Variants in SPATS2 observed in about 807,000 individuals in gnomAD.
SPATS2 encodes the protein spermatogenesis associated serine rich 2.
In SPATS2, 38 loss-of-function variants were observed where a neutral mutation model predicts 63.7. The observed-to-expected ratio is 0.60, with a 90% CI of 0.46 to 0.78. The LOEUF (loss-of-function observed/expected upper bound fraction) is 0.78. Among genes scored for constraint, SPATS2 ranks in the 30% least tolerant of loss-of-function variants. The pLI is 0.00. For synonymous variants in SPATS2, 207 were observed against 232.9 expected, an observed-to-expected ratio of 0.89 and a Z score of 1.01; for missense variants, 588 against 666.2, an observed-to-expected ratio of 0.88 and a Z score of 1.29.
intron 2 of SPATS2, among the ~76,000 whole-genome samples, chr12:49,387,766 G>A (rs1311636375): frequency 6.6e-6 from 1 of 151,970 alleles, no homozygotes; most frequent in Admixed American, 6.6e-5. Context: ...TGGAGAGCAG[G>A]CAGGCACTGG....
At chr12:49,414,982 C>T (rs1336489094) in intron 2 of SPATS2, among the ~76,000 whole-genome samples, 2 of 148,554 alleles carry the variant, frequency 1.3e-5, no homozygotes, top group African/African-American at 5.0e-5. Context: ...TCATGTTGCC[C>T]AGGCTGGAGT....
chr12:49,380,321 A>G (rs940928919), intron 2 of SPATS2, among the ~76,000 whole-genome samples: 20 of 151,926 alleles, frequency 1.3e-4, no homozygotes, highest in Non-Finnish European at 2.2e-4. Context: ...ACCATGCCTG[A>G]CCGAGAACCT....
intron 8 of SPATS2, among the ~76,000 whole-genome samples, chr12:49,498,143 A>ATATATATATATATATATATAT (rs1307387821): frequency 2.1e-5 from 2 of 95,054 alleles, no homozygotes; most frequent in Admixed American, 9.5e-5. Context: ...AAAAAAAAAA[A>ATATATATATATATATATATAT]AAATATATAT....
intron 2 of SPATS2, among the ~76,000 whole-genome samples, chr12:49,397,094 C>A (rs1030219947): frequency 1.3e-5 from 2 of 152,302 alleles, no homozygotes; most frequent in Admixed American, 6.5e-5. Flanking sequence ...TTTGTACTTG[C>A]TATTCCCTCT....
chr12:49,475,103 C>T (rs1231055742), intron 3 of SPATS2, among the ~76,000 whole-genome samples: 1 of 152,182 alleles, frequency 6.6e-6, no homozygotes, highest in Non-Finnish European at 1.5e-5. Flanking sequence ...TACAAGATGA[C>T]ATTTGGGTGG....
At chr12:49,400,522 C>A (rs149037979) in intron 2 of SPATS2, among the ~76,000 whole-genome samples, 2 of 152,218 alleles carry the variant, frequency 1.3e-5, no homozygotes, top group Non-Finnish European at 2.9e-5. Flanking sequence ...AGGGGAATGA[C>A]TAGGCAATAG....
intron 2 of SPATS2, among the ~76,000 whole-genome samples, chr12:49,436,285 C>T (rs2137515815): frequency 6.8e-6 from 1 of 146,872 alleles, no homozygotes; most frequent in Middle Eastern, 3.8e-3. Flanking sequence ...ACCTCCCCAC[C>T]TCCCTCCCGG....
chr12:49,426,069 G>T (rs1482389915), intron 2 of SPATS2, among the ~76,000 whole-genome samples: 1 of 152,202 alleles, frequency 6.6e-6, no homozygotes, highest in Non-Finnish European at 1.5e-5. Context: ...GTGTACGCCA[G>T]TGTTGCCTTT....
At chr12:49,409,483 T>C (rs1944757247) in intron 2 of SPATS2, among the ~76,000 whole-genome samples, 3 of 151,330 alleles carry the variant, frequency 2.0e-5, no homozygotes, top group Admixed American at 2.0e-4. Flanking sequence ...TTTTTTGTAT[T>C]TTTAGTAGAG....
chr12:49,514,507 A>AT, intron 9 of SPATS2, 48 bp from the exon 10 acceptor site: 2 of 1,567,462 alleles, frequency 1.3e-6, no homozygotes, highest in Non-Finnish European at 1.7e-6. Flanking sequence ...CTAATTTTGT[A>AT]TTTGAGTTTC....
chr12:49,502,541 C>G (rs978532634), intron 9 of SPATS2, among the ~76,000 whole-genome samples: 34 of 152,176 alleles, frequency 2.2e-4, no homozygotes, highest in African/African-American at 7.7e-4. Context: ...ACCTCCACCT[C>G]CTGGGCTCAA....
chr12:49,381,314 A>G lies in SPATS2; in HGVS notation c.-244+10024A>G, dbSNP rs375900917. On this transcript the variant is annotated intron_variant, in intron 2 of 13. Transcript: ENST00000552918. ...CATGAGTACATGTAGCATGCACTCA[A>G]TAACTATTAGCTAATACTATAGTTG... Among the ~76,000 whole-genome samples the G allele has an allele frequency of 8.7e-4, 133 of 152,318 alleles. 6 individuals are homozygous for G. The South Asian group carries it at 0.027, about 31-fold the overall frequency.
At chr12:49,402,601 G>A (rs1944625733) in intron 2 of SPATS2, among the ~76,000 whole-genome samples, 1 of 152,150 alleles carries the variant, frequency 6.6e-6, no homozygotes, top group South Asian at 2.1e-4. Flanking sequence ...AGAGGTGCGA[G>A]CATCAGAACA....
chr12:49,525,635 C>T (rs1468311896), intron 13 of SPATS2, among the ~76,000 whole-genome samples: 1 of 151,696 alleles, frequency 6.6e-6, no homozygotes, highest in African/African-American at 2.4e-5. Context: ...ATATAATATA[C>T]TTGTCCAATC....
At chr12:49,515,956 A>G (rs984430400) in intron 10 of SPATS2, among the ~76,000 whole-genome samples, 8 of 151,352 alleles carry the variant, frequency 5.3e-5, no homozygotes, top group Non-Finnish European at 8.8e-5. Context: ...CCTGGCCAAC[A>G]TGATAAAACC....
At chr12:49,476,047 G>A (rs1046514247) in intron 3 of SPATS2, among the ~76,000 whole-genome samples, 2 of 152,140 alleles carry the variant, frequency 1.3e-5, no homozygotes, top group African/African-American at 2.4e-5. Flanking sequence ...AGACCTAGGT[G>A]AGGATAGGCA....
intron 1 of SPATS2, among the ~76,000 whole-genome samples, chr12:49,370,578 CTG>C (rs921558824): frequency 5.9e-5 from 9 of 152,204 alleles, no homozygotes; most frequent in African/African-American, 1.7e-4. Flanking sequence ...CATCTAGACT[CTG>C]GAGGATGACA....
At chr12:49,423,074 A>AG (rs1337279776) in intron 2 of SPATS2, among the ~76,000 whole-genome samples, 11 of 151,748 alleles carry the variant, frequency 7.2e-5, no homozygotes, top group Non-Finnish European at 1.2e-4. Context: ...CAAAGAAAAA[A>AG]GTCTTCCCTA....
intron 2 of SPATS2, among the ~76,000 whole-genome samples, chr12:49,407,943 G>A (rs923092550): frequency 6.6e-6 from 1 of 152,198 alleles, no homozygotes; most frequent in Admixed American, 6.5e-5. Flanking sequence ...TAAAATGTTT[G>A]TTGTGTGGCC....
Sources: allele counts gnomAD v4.1 joint callset (sites outside exome capture counted in the v4.1 genomes callset), GRCh38; gene constraint gnomAD v4.1.1; transcripts MANE v1.5; gene names NCBI Gene and HGNC (gene_info 2026-07-23, HGNC 2026-07-21).